Variants in CSMD1 observed in about 807,000 individuals in gnomAD.
CSMD1 encodes the protein CUB and sushi domain-containing protein 1.
A neutral mutation model predicts 417.5 loss-of-function variants in CSMD1; 213 were observed. The observed-to-expected ratio is 0.51, with a 90% CI of 0.46 to 0.57. The LOEUF is 0.57. Among genes scored for constraint, CSMD1 ranks in the 20% least tolerant of loss-of-function variants. The pLI is 0.00. For missense variants in CSMD1, 6,923 were observed against 4,529.7 expected (o/e 1.53, Z -15.17); for synonymous variants, 2,862 against 1,736.8 (o/e 1.65, Z -16.11).
rs145998004 is a variant in CSMD1 at position 4,636,302 on chromosome 8, T to C, written c.302+1040A>G. Among the ~76,000 whole-genome samples the C allele has an allele frequency of 4.8e-3, 726 of 152,266 alleles. 5 individuals are homozygous for C. Among genetic ancestry groups the C allele is most frequent in the African/African-American group, 0.017 (698 of 41,572 alleles). ...GACGTACAGGTATAATTTTTTCTTG[T>C]TGACAATTGAAAAAATATAATTTAA... On this transcript the variant is annotated intron_variant, in intron 2 of 69. Coordinates refer to ENST00000635120, the MANE Select transcript of CSMD1 (RefSeq NM_033225.6).
chr8:4,510,312 C>A (rs1802743998), intron 2 of CSMD1, among the ~76,000 whole-genome samples: 1 of 136,120 alleles, frequency 7.3e-6, no homozygotes, highest in Non-Finnish European at 1.5e-5. Context: ...GACTGTTACA[C>A]ACTACAACTA....
intron 20 of CSMD1, 77 bp downstream of exon 20, chr8:3,366,955 C>G: frequency 9.0e-7 from 1 of 1,108,862 alleles, no homozygotes; most frequent in Non-Finnish European, 1.3e-6. Flanking sequence ...CACACACACA[C>G]ACCCACACAC....
intron 1 of CSMD1, among the ~76,000 whole-genome samples, chr8:4,926,428 C>T (rs75623162): frequency 6.6e-6 from 1 of 152,178 alleles, no homozygotes; most frequent in East Asian, 1.9e-4. Flanking sequence ...AATTCTCTCA[C>T]ACTTAATACT....
chr8:3,540,147 C>G (rs887265011), intron 10 of CSMD1, among the ~76,000 whole-genome samples: 2 of 152,106 alleles, frequency 1.3e-5, no homozygotes, highest in Admixed American at 1.3e-4. Context: ...GGAAATTAAA[C>G]TGAACTGAGT....
chr8:4,607,742 G>T (rs1293603553), intron 2 of CSMD1, among the ~76,000 whole-genome samples: 3 of 152,144 alleles, frequency 2.0e-5, no homozygotes, highest in African/African-American at 7.2e-5. Flanking sequence ...AAACGTAGCA[G>T]CCTCAAACCG....
chr8:3,087,247 C>A lies in CSMD1; in HGVS notation c.7324G>T (p.Gly2442Cys). The A allele has an allele frequency of 1.2e-6, 2 of 1,613,932 alleles. No homozygotes were observed. Among genetic ancestry groups the A allele is most frequent in the Non-Finnish European group, 1.7e-6 (2 of 1,179,872 alleles). Residue 2442 changes from glycine (G) to cysteine (C), a missense_variant, in exon 49 of 70, where the codon GGT (glycine) becomes TGT (cysteine). Physicochemically the swap from Gly to Cys is radical, Grantham distance 159. Coordinates refer to ENST00000635120, the MANE Select transcript of CSMD1 (RefSeq NM_033225.6). ...GCTCCTGCAGTCCTGTTTAGAATAC[C>A]CCCATTCTTCAGGGGGTGGGTCAAA... ...CSLTHPLKNG[G>C]ILNRTAGAVG...
intron 5 of CSMD1, among the ~76,000 whole-genome samples, chr8:3,982,046 C>T (rs928530573): frequency 6.6e-6 from 1 of 151,722 alleles, no homozygotes; most frequent in African/African-American, 2.4e-5. Context: ...TGACGGTCGC[C>T]TGTAATCCCA....
At chr8:3,352,035 TATG>T (rs1359880695) in intron 21 of CSMD1, among the ~76,000 whole-genome samples, 3 of 152,040 alleles carry the variant, frequency 2.0e-5, no homozygotes, top group African/African-American at 7.2e-5. Flanking sequence ...AATAAGAAAA[TATG>T]ATATTTTCCA....
chr8:4,398,510 C>A (rs961066087), intron 3 of CSMD1, among the ~76,000 whole-genome samples: 2 of 150,782 alleles, frequency 1.3e-5, no homozygotes, highest in African/African-American at 2.4e-5. Flanking sequence ...CTCCTAGCCT[C>A]AGCCTCCCGA....
At chr8:4,364,984 G>A (rs993609728) in intron 3 of CSMD1, among the ~76,000 whole-genome samples, 7 of 151,724 alleles carry the variant, frequency 4.6e-5, no homozygotes, top group Admixed American at 3.3e-4. Flanking sequence ...AATTTTACTC[G>A]AAAACATTTA....
chr8:4,335,233 C>G (rs1800100434), intron 3 of CSMD1, among the ~76,000 whole-genome samples: 1 of 152,058 alleles, frequency 6.6e-6, no homozygotes, highest in African/African-American at 2.4e-5. Flanking sequence ...ATACTGATCC[C>G]ATTTGTGAAC....
chr8:4,968,491 A>G (rs905463138), intron 1 of CSMD1, among the ~76,000 whole-genome samples: 1 of 152,176 alleles, frequency 6.6e-6, no homozygotes. Context: ...AAGATATAGG[A>G]AAATGCAAAA....
intron 10 of CSMD1, among the ~76,000 whole-genome samples, chr8:3,560,698 G>A (rs28463395): frequency 3.3e-5 from 5 of 152,004 alleles, no homozygotes; most frequent in Admixed American, 2.6e-4. Context: ...ATTTCTCTCA[G>A]GGTACTTTTT....
intron 3 of CSMD1, among the ~76,000 whole-genome samples, chr8:4,119,867 G>C (rs372636758): frequency 6.6e-6 from 1 of 152,220 alleles, no homozygotes; most frequent in Non-Finnish European, 1.5e-5. Flanking sequence ...ACATCTGAAA[G>C]GGTTCGACAA....
chr8:3,017,960 T>G (rs1241740273), intron 52 of CSMD1, among the ~76,000 whole-genome samples: 2 of 152,122 alleles, frequency 1.3e-5, no homozygotes, highest in East Asian at 3.8e-4. Flanking sequence ...TTCAAGATTT[T>G]TCATACACTT....
At chr8:4,051,630 C>T (rs1328193136) in intron 3 of CSMD1, among the ~76,000 whole-genome samples, 2 of 151,894 alleles carry the variant, frequency 1.3e-5, no homozygotes, top group African/African-American at 2.4e-5. Context: ...TCTGTGGGGC[C>T]CTAGAAAACT....
chr8:3,115,201 C>G (rs946213126), intron 42 of CSMD1, among the ~76,000 whole-genome samples: 1 of 140,838 alleles, frequency 7.1e-6, no homozygotes, highest in African/African-American at 2.5e-5. Context: ...CAATCCCCCC[C>G]CCCCCTTTTT....
At position 3,574,927 on chromosome 8, in the gene CSMD1, T is replaced by G. The variant is rs767593680; in HGVS notation, c.1344+18A>C. The G allele has an allele frequency of 6.2e-7, 1 of 1,610,830 alleles. No individual in the cohort carries two copies. Among genetic ancestry groups the G allele is most frequent in the South Asian group, 1.1e-5 (1 of 90,834 alleles). On this transcript the variant is annotated intron_variant, in intron 10 of 69. Coordinates refer to ENST00000635120, the MANE Select transcript of CSMD1 (RefSeq NM_033225.6). The stretch of plus-strand genomic sequence containing the variant: ...GTGCTGTGTGCATTAACCACAGGGG[T>G]TGGAGGCGGAGCCTTACCTTGTCCG...
At chr8:3,719,478 C>G (rs1034600070) in intron 6 of CSMD1, among the ~76,000 whole-genome samples, 1 of 152,178 alleles carries the variant, frequency 6.6e-6, no homozygotes, top group Non-Finnish European at 1.5e-5. Context: ...GTATTTAACT[C>G]AGAACAAAGT....
Sources: allele counts gnomAD v4.1 joint callset (sites outside exome capture counted in the v4.1 genomes callset), GRCh38; gene constraint gnomAD v4.1.1; transcripts MANE v1.5; gene names NCBI Gene and HGNC (gene_info 2026-07-23, HGNC 2026-07-21).